The following SLC9C2 variants were observed in gnomAD, a reference collection of about 807,000 sequenced individuals.
SLC9C2 encodes the protein sodium/hydrogen exchanger 11.
SLC9C2 carries 75 observed loss-of-function variants against 140.2 expected under a neutral mutation model. The observed-to-expected ratio is 0.53, with a 90% CI of 0.44 to 0.65. The LOEUF (loss-of-function observed/expected upper bound fraction) is 0.65. SLC9C2 is among the 30% of genes least tolerant of loss of function. SLC9C2 has a pLI of 0.00. For missense variants in SLC9C2, 1,074 were observed against 1,331.8 expected, an observed-to-expected ratio of 0.81 and a Z score of 3.01; for synonymous variants, 375 against 420.9, an observed-to-expected ratio of 0.89 and a Z score of 1.34.
intron 10 of SLC9C2, among the ~76,000 whole-genome samples, 153 bp from the exon 11 acceptor site, chr1:173,554,967 C>T (rs1208232857): frequency 1.3e-5 from 2 of 152,186 alleles, no homozygotes; most frequent in African/African-American, 2.4e-5. Context: ...GGCAAAAAGG[C>T]AGTTTTGTGG....
chr1:173,511,468 G>A (rs1262550568), intron 23 of SLC9C2, among the ~76,000 whole-genome samples: 1 of 151,994 alleles, frequency 6.6e-6, no homozygotes, highest in Non-Finnish European at 1.5e-5. Flanking sequence ...GTCTTCTTTT[G>A]AAAGGTGTCT....
At chr1:173,553,945 T>C (rs1663494623) in intron 11 of SLC9C2, among the ~76,000 whole-genome samples, 1 of 152,332 alleles carries the variant, frequency 6.6e-6, no homozygotes, top group African/African-American at 2.4e-5. Context: ...AGACTTTGCC[T>C]AATCTCACCC....
At chr1:173,548,643 C>A (rs1663037376) in intron 11 of SLC9C2, 91 bp from the exon 12 acceptor site, 2 of 1,408,654 alleles carry the variant, frequency 1.4e-6, no homozygotes, top group Admixed American at 1.8e-5. Flanking sequence ...GTAGTGAAAT[C>A]TTGAGATCAC....
intron 10 of SLC9C2, among the ~76,000 whole-genome samples, 178 bp downstream of exon 10, chr1:173,557,162 T>C (rs939124017): frequency 6.6e-6 from 1 of 152,176 alleles, no homozygotes; most frequent in Non-Finnish European, 1.5e-5. Context: ...CCATGACTAT[T>C]GGTCCCTTTC....
intron 17 of SLC9C2, among the ~76,000 whole-genome samples, chr1:173,530,991 G>T (rs565611497): frequency 6.6e-6 from 1 of 152,266 alleles, no homozygotes; most frequent in East Asian, 1.9e-4. Flanking sequence ...ACTCTACAGT[G>T]CACTGACACT....
intron 11 of SLC9C2, 86 bp from the exon 12 acceptor site, chr1:173,548,638 G>A: frequency 7.0e-7 from 1 of 1,429,290 alleles, no homozygotes; most frequent in South Asian, 1.2e-5. Flanking sequence ...ATCATGTAGT[G>A]AAATCTTGAG....
chr1:173,600,163 GA>G lies in SLC9C2; in HGVS notation c.181del (p.Ser61LeufsTer6), dbSNP rs1666700524. 1 of 1,611,874 alleles carries G rather than the reference GA, an allele frequency of 6.2e-7. No homozygotes were observed. Among genetic ancestry groups the G allele is most frequent in the Non-Finnish European group, 8.5e-7 (1 of 1,178,920 alleles). Reference sequence around the variant, plus strand: ...GTGTCCTATCACGAATCCTGATAGAGAAAGAATCGTCAAAACAATGACTTCA... The same window carrying G: ...GTGTCCTATCACGAATCCTGATAGAGAAGAATCGTCAAAACAATGACTTCA... ...NCEVIVLTIL[S>X]LSGFVIGHMA... On this transcript the variant is annotated frameshift_variant, in exon 3 of 28. Transcript: ENST00000367714. LOFTEE classifies it high-confidence loss of function.
intron 16 of SLC9C2, 145 bp from the exon 17 acceptor site, chr1:173,533,942 C>A (rs12049249): frequency 6.4e-5 from 58 of 911,522 alleles, no homozygotes; most frequent in Non-Finnish European, 7.9e-5. Context: ...GGAATCCCCC[C>A]AAAAATTCTT....
intron 4 of SLC9C2, among the ~76,000 whole-genome samples, chr1:173,589,548 A>G (rs1249825464): frequency 6.6e-6 from 1 of 152,090 alleles, no homozygotes; most frequent in Non-Finnish European, 1.5e-5. Context: ...TGACAGAGCT[A>G]GACTCTGTCT....
Position 173,532,382 on chromosome 1 carries a change from G to C in SLC9C2, c.2163+1227C>G, listed in dbSNP as rs187525130. On this transcript the variant is annotated intron_variant, in intron 17 of 27. Coordinates refer to ENST00000367714, the MANE Select transcript of SLC9C2 (RefSeq NM_178527.4). The stretch of plus-strand genomic sequence containing the variant: ...ATCATTTAAAGCCCTGAAGTTAAAA[G>C]CTTATGTAATGCAACTCCATTGGAA... Among the ~76,000 whole-genome samples the C allele has an allele frequency of 3.0e-4, 45 of 152,256 alleles. No individual in the cohort carries two copies. In the Middle Eastern group the frequency reaches 0.01, roughly 35 times the overall value.
intron 13 of SLC9C2, 52 bp downstream of exon 13, chr1:173,547,637 C>T: frequency 7.3e-7 from 1 of 1,365,008 alleles, no homozygotes; most frequent in Non-Finnish European, 1.0e-6. Context: ...ATGCAAGGAT[C>T]AAAGACATTG....
chr1:173,510,037 T>G lies in SLC9C2; in HGVS notation c.2908-338A>C, dbSNP rs967295506. Among the ~76,000 whole-genome samples, 3 of 152,330 alleles carry G rather than the reference T, an allele frequency of 2.0e-5. No homozygotes were observed. The East Asian group carries it at 5.8e-4, about 29-fold the overall frequency. Reference sequence around the variant, plus strand: ...AACTTATCTATTTTTATTGTCATGGTAGATAACATGAGCTCATTCACAGTA... The same window carrying G: ...AACTTATCTATTTTTATTGTCATGGGAGATAACATGAGCTCATTCACAGTA... On this transcript the variant is annotated intron_variant, in intron 23 of 27. Transcript: ENST00000367714.
chr1:173,536,847 T>C (rs1218508460), intron 14 of SLC9C2, 95 bp downstream of exon 14: 3 of 870,208 alleles, frequency 3.4e-6, no homozygotes, highest in Non-Finnish European at 5.7e-6. Flanking sequence ...AAATAATAGA[T>C]TGATCAATCA....
chr1:173,529,121 A>T (rs941099205), intron 18 of SLC9C2, among the ~76,000 whole-genome samples: 2 of 152,242 alleles, frequency 1.3e-5, no homozygotes, highest in Non-Finnish European at 2.9e-5. Flanking sequence ...GTTGAACAGA[A>T]GAAAGAACAC....
At position 173,506,276 on chromosome 1, in the gene SLC9C2, G is replaced by A. The variant is rs75200108; in HGVS notation, c.3225+580C>T. ...TCAGTCAGCTCTTCCCATGGCCTCT[G>A]GGTCCTCCCCATTCCTTTGCCCAGT... On this transcript the variant is annotated intron_variant, in intron 25 of 27. Transcript: ENST00000367714. 9.5e-3 allele frequency among the ~76,000 whole-genome samples: 1,450 copies of A among 152,298 alleles called. 27 individuals carry two copies. Among genetic ancestry groups the A allele is most frequent in the African/African-American group, 0.033 (1,392 of 41,578 alleles).
chr1:173,599,911 C>T (rs1443518094), intron 3 of SLC9C2, among the ~76,000 whole-genome samples: 1 of 152,082 alleles, frequency 6.6e-6, no homozygotes, highest in Non-Finnish European at 1.5e-5. Flanking sequence ...GCCACATTTT[C>T]CTCTTATTAC....
intron 13 of SLC9C2, among the ~76,000 whole-genome samples, chr1:173,541,962 G>C (rs1662463112): frequency 6.6e-6 from 1 of 152,058 alleles, no homozygotes; most frequent in South Asian, 2.1e-4. Context: ...AGAGAAGCAA[G>C]AGCAAACAAA....
rs780950237 is a variant in SLC9C2 at position 173,537,089 on chromosome 1, T to C, written c.1558-50A>G. On this transcript the variant is annotated intron_variant, in intron 13 of 27. Transcript: ENST00000367714. Reference sequence around the variant, plus strand: ...ACAAAAGATCAAAACATAAATGGAATGTATTCTTCTTAACCCTTACATAGC... The same window carrying C: ...ACAAAAGATCAAAACATAAATGGAACGTATTCTTCTTAACCCTTACATAGC... 4.2e-5 allele frequency: 60 copies of C among 1,438,032 alleles called. No homozygotes were observed. The South Asian group carries it at 5.9e-4, about 14-fold the overall frequency. 89.1% of individuals were successfully genotyped at this position (1,438,032 alleles called of 1,614,324 possible).
intron 23 of SLC9C2, among the ~76,000 whole-genome samples, chr1:173,511,158 C>T (rs557853978): frequency 2.0e-5 from 3 of 150,998 alleles, no homozygotes; most frequent in Admixed American, 6.6e-5. Flanking sequence ...CTCAGCCACC[C>T]GAGTAGCTGG....
Sources: gnomAD v4.1 joint callset for allele counts (sites outside exome capture counted in the v4.1 genomes callset) on GRCh38, gnomAD v4.1.1 for gene constraint, MANE v1.5 for transcripts, NCBI Gene and HGNC (gene_info 2026-07-23, HGNC 2026-07-21) for gene names.